Variants in TENM2 observed in about 807,000 individuals in gnomAD.
TENM2 encodes the protein teneurin-2.
TENM2 carries 52 observed loss-of-function variants against 245.2 expected under a neutral mutation model. The observed-to-expected ratio is 0.21, with a 90% CI of 0.17 to 0.27. The LOEUF is 0.27. Ranked by LOEUF, TENM2 falls within the 10% of genes least tolerant of loss-of-function variation. TENM2 has a pLI of 1.00. For missense variants in TENM2, 3,046 were observed against 3,666.8 expected, an observed-to-expected ratio of 0.83 and a Z score of 4.37; for synonymous variants, 1,363 against 1,438.9, an observed-to-expected ratio of 0.95 and a Z score of 1.19.
At chr5:168,237,610 G>T (rs548013077) in intron 25 of TENM2, among the ~76,000 whole-genome samples, 5 of 152,166 alleles carry the variant, frequency 3.3e-5, no homozygotes, top group African/African-American at 1.2e-4. Context: ...TCAAACTCGG[G>T]TCTTTCCACC....
intron 1 of TENM2, chr5:167,296,213 C>T (rs1754941436): frequency 6.6e-6 from 1 of 152,200 alleles, no homozygotes; most frequent in East Asian, 1.9e-4. Flanking sequence ...AATGTGAAGC[C>T]TCTTTGTGTT....
intron 2 of TENM2, among the ~76,000 whole-genome samples, chr5:167,399,344 A>C (rs983357953): frequency 6.6e-5 from 10 of 152,196 alleles, no homozygotes; most frequent in African/African-American, 2.2e-4. Flanking sequence ...GAGATGTGGG[A>C]TCAAAATATG....
chr5:167,648,039 G>A (rs1398969445), intron 2 of TENM2, among the ~76,000 whole-genome samples: 1 of 152,194 alleles, frequency 6.6e-6, no homozygotes, highest in Non-Finnish European at 1.5e-5. Flanking sequence ...GTATCCCTAT[G>A]TGCAAATACC....
intron 2 of TENM2, among the ~76,000 whole-genome samples, chr5:167,765,559 G>A (rs1225930291): frequency 6.6e-6 from 1 of 152,176 alleles, no homozygotes; most frequent in Non-Finnish European, 1.5e-5. Flanking sequence ...CTAATGGGCA[G>A]GATTAGCACG....
At chr5:167,328,589 A>G (rs1348938513) in intron 1 of TENM2, among the ~76,000 whole-genome samples, 1 of 152,166 alleles carries the variant, frequency 6.6e-6, no homozygotes, top group Non-Finnish European at 1.5e-5. Flanking sequence ...TGTCCCCTTT[A>G]GTTAATCTAA....
At chr5:167,929,063 AAGAAAGAAAGAAAGAAAG>A (rs1205292789) in intron 3 of TENM2, among the ~76,000 whole-genome samples, 466 of 19,348 alleles carry the variant, frequency 0.024, 4 homozygotes, top group East Asian at 0.057. Context: ...GAAAGAGAGA[AAGAAAGAAAGAAAGAAAG>A]AAAGAAAGAA....
intron 5 of TENM2, among the ~76,000 whole-genome samples, chr5:168,006,372 G>C: frequency 6.6e-6 from 1 of 152,182 alleles, no homozygotes; most frequent in East Asian, 1.9e-4. Flanking sequence ...ATGCGGTCTT[G>C]ACTGAAGGTT....
chr5:167,661,259 C>T (rs1755188545), intron 2 of TENM2, among the ~76,000 whole-genome samples: 1 of 152,146 alleles, frequency 6.6e-6, no homozygotes, highest in African/African-American at 2.4e-5. Flanking sequence ...TCTAAACCAG[C>T]CCCTTCAAAT....
intron 3 of TENM2, among the ~76,000 whole-genome samples, chr5:167,939,194 C>T (rs1778972607): frequency 1.3e-5 from 2 of 152,142 alleles, no homozygotes; most frequent in African/African-American, 4.8e-5. Flanking sequence ...AAATTTTCTA[C>T]GGAAGAGGGG....
chr5:167,613,385 G>C (rs190321609), intron 2 of TENM2, among the ~76,000 whole-genome samples: 189 of 152,280 alleles, frequency 1.2e-3, no homozygotes, highest in Admixed American at 4.1e-3. Flanking sequence ...TATGCTGTGA[G>C]ATGTATATTA....
At chr5:167,477,856 A>T (rs1268835073) in intron 2 of TENM2, among the ~76,000 whole-genome samples, 1 of 152,176 alleles carries the variant, frequency 6.6e-6, no homozygotes, top group East Asian at 1.9e-4. Context: ...TAGGTGGGAA[A>T]GAAGGGAAGA....
At chr5:168,215,948 C>G (rs1763155486) in intron 21 of TENM2, among the ~76,000 whole-genome samples, 1 of 152,192 alleles carries the variant, frequency 6.6e-6, no homozygotes, top group Non-Finnish European at 1.5e-5. Flanking sequence ...TGTAAATGCC[C>G]AATAAATGGT....
chr5:167,714,150 C>G (rs978785439), intron 2 of TENM2, among the ~76,000 whole-genome samples: 1 of 152,284 alleles, frequency 6.6e-6, no homozygotes, highest in East Asian at 1.9e-4. Flanking sequence ...TTCTTTATAG[C>G]CAGGAGTGTG....
At chr5:167,333,961 G>T (rs1289883938) in intron 1 of TENM2, among the ~76,000 whole-genome samples, 1 of 152,124 alleles carries the variant, frequency 6.6e-6, no homozygotes, top group East Asian at 1.9e-4. Context: ...GCCTACATCA[G>T]ATTATGAGTT....
intron 2 of TENM2, among the ~76,000 whole-genome samples, chr5:167,690,690 A>G (rs1033735523): frequency 6.6e-6 from 1 of 152,124 alleles, no homozygotes; most frequent in Non-Finnish European, 1.5e-5. Flanking sequence ...TTTCTGTCCC[A>G]TCTTTAATGC....
chr5:168,011,697 C>G (rs1308668542), intron 5 of TENM2, among the ~76,000 whole-genome samples: 1 of 152,050 alleles, frequency 6.6e-6, no homozygotes, highest in East Asian at 1.9e-4. Context: ...GCATTAAGTT[C>G]CAAAAATTTA....
chr5:167,172,594 GT>G, the TENM2 span, among the ~76,000 whole-genome samples: 4 of 148,224 alleles, frequency 2.7e-5, no homozygotes, highest in African/African-American at 7.5e-5. Context: ...AACTTTTTAC[GT>G]TTTTTTTCTT....
At chr5:167,491,866 C>A (rs1768447563) in intron 2 of TENM2, among the ~76,000 whole-genome samples, 1 of 152,000 alleles carries the variant, frequency 6.6e-6, no homozygotes, top group African/African-American at 2.4e-5. Flanking sequence ...AGCGAATGAA[C>A]AAAATACTTG....
At chr5:167,855,210 TG>T (rs1770953969) in intron 2 of TENM2, among the ~76,000 whole-genome samples, 1 of 152,130 alleles carries the variant, frequency 6.6e-6, no homozygotes, top group African/African-American at 2.4e-5. Flanking sequence ...TGCTATTTCT[TG>T]TGCTTCCCCT....
Sources: allele counts gnomAD v4.1 joint callset (sites outside exome capture counted in the v4.1 genomes callset), GRCh38; gene constraint gnomAD v4.1.1; transcripts MANE v1.5; gene names NCBI Gene and HGNC (gene_info 2026-07-23, HGNC 2026-07-21).